Variants in ITPRID2 observed in about 807,000 individuals in gnomAD.
ITPRID2 encodes the protein ITPR interacting domain containing 2, also known as protein ITPRID2.
In ITPRID2, 60 loss-of-function variants were observed where a neutral mutation model predicts 124.3. The ratio of observed to expected loss-of-function variants is 0.48; its 90% CI spans 0.39 to 0.60. The LOEUF is 0.60. Ranked by LOEUF, ITPRID2 falls within the 20% of genes least tolerant of loss-of-function variation. The probability of loss-of-function intolerance (pLI) is 0.00; values close to 1 mark genes in which losing one functional copy is unlikely to be tolerated. For synonymous variants in ITPRID2, 521 were observed against 542.9 expected (o/e 0.96, Z 0.56); for missense variants, 1,553 against 1,512.2 (o/e 1.03, Z -0.45).
chr2:181,894,248 C>G (rs904486436), intron 2 of ITPRID2: 1 of 152,142 alleles, frequency 6.6e-6, no homozygotes, highest in Non-Finnish European at 1.5e-5. Context: ...ATAAGTGCAT[C>G]TTTTTTGAGA....
chr2:181,908,807 C>G (rs1319704438), intron 8 of ITPRID2, among the ~76,000 whole-genome samples: 1 of 152,016 alleles, frequency 6.6e-6, no homozygotes, highest in Non-Finnish European at 1.5e-5. Flanking sequence ...AGCTTCATAA[C>G]TAAAAACTAC....
chr2:181,911,925 T>G (rs1693639194), intron 9 of ITPRID2, among the ~76,000 whole-genome samples: 1 of 152,232 alleles, frequency 6.6e-6, no homozygotes, highest in Non-Finnish European at 1.5e-5. Context: ...CTCTGAAGTC[T>G]GAGCAGTCTA....
chr2:181,900,755 G>C lies in ITPRID2; in HGVS notation c.563G>C (p.Gly188Ala). 6.2e-7 allele frequency: 1 copy of C among 1,613,002 alleles called. No homozygotes were observed. Among genetic ancestry groups the C allele is most frequent in the Non-Finnish European group, 8.5e-7 (1 of 1,179,574 alleles). Reference sequence around the variant, plus strand: ...CCTGAAGAAATTCTTTATAATCTTGGATTTGGACGTGATGAACCAGATATT... The same window carrying C: ...CCTGAAGAAATTCTTTATAATCTTGCATTTGGACGTGATGAACCAGATATT... ...EDPEEILYNL[G>A]FGRDEPDIAS... is the part of the protein sequence containing the mutation. The change falls in exon 7 of 18, where the codon GGA becomes GCA. Residue 188 changes from glycine to alanine, a missense_variant. Coordinates refer to ENST00000431877, the MANE Select transcript of ITPRID2 (RefSeq NM_001130445.3).
Position 181,919,519 on chromosome 2 carries a change from T to A in ITPRID2, c.3144+73T>A, listed in dbSNP as rs1396162935. 7.0e-7 allele frequency: 1 copy of A among 1,436,622 alleles called. No individual in the cohort carries two copies. The allele number at this position is 1,436,622 out of a possible 1,614,324, so 89.0% of individuals were successfully genotyped here. ...TAATGTTCCAATAATTTAGGACGTG[T>A]GCCTTCATTTCAAGTCATTTATTTT... On this transcript the variant is annotated intron_variant, in intron 14 of 17. Transcript: ENST00000431877. The surrounding 1 kb of genome is among the most constrained non-coding windows in gnomAD (Gnocchi z 4.2).
chr2:181,918,408 A>C (rs1694239677), intron 11 of ITPRID2, 190 bp from the exon 12 acceptor site: 1 of 1,371,976 alleles, frequency 7.3e-7, no homozygotes, highest in African/African-American at 1.5e-5. Context: ...TTATACCTGG[A>C]ACAGCTAGCA....
rs201437242 is a variant in ITPRID2, at chr2:181,904,329, A to AT, written c.1413+1873dup. Among the ~76,000 whole-genome samples the AT allele has an allele frequency of 7.3e-3, 1,090 of 150,314 alleles. 10 individuals carry two copies. Among genetic ancestry groups the AT allele is most frequent in the African/African-American group, 0.025 (1,033 of 41,046 alleles). Reference sequence around the variant, plus strand: ...TGCATTGGTGGAAGAATAATGGGAGATTTTTTTTTTAAATGAATTTATGGT... The same window carrying AT: ...TGCATTGGTGGAAGAATAATGGGAGATTTTTTTTTTTAAATGAATTTATGGT... On this transcript the variant is annotated intron_variant, in intron 8 of 17. Coordinates refer to ENST00000431877, the MANE Select transcript of ITPRID2 (RefSeq NM_001130445.3).
rs997149613 is a variant in ITPRID2 at position 181,919,088 on chromosome 2, C to A, written c.2993+206C>A. Among the ~76,000 whole-genome samples the A allele has an allele frequency of 1.3e-5, 2 of 152,204 alleles. No individual in the cohort carries two copies. Among genetic ancestry groups the A allele is most frequent in the Admixed American group, 1.3e-4 (2 of 15,284 alleles). ...ATATCCTAAGGGTAGTGGTAACCTG[C>A]TTTCCCGTGTTTGAGATATTTGTGA... On this transcript the variant is annotated intron_variant, in intron 13 of 17. Coordinates refer to ENST00000431877, the MANE Select transcript of ITPRID2 (RefSeq NM_001130445.3). The surrounding 1 kb of genome is among the most constrained non-coding windows in gnomAD (Gnocchi z 4.2).
Position 181,915,224 on chromosome 2 carries a change from G to A in ITPRID2, c.1584G>A (p.Glu528=), listed in dbSNP as rs376996974. ...CTATTTTCTTTTCACAGGTTCAGGA[G>A]TCCTTGCAGGCTATGGGGAGTAGTG... ...CLSLNHLQVQ[E]SLQAMGSSAD... is the part of the protein sequence containing the mutation. The change falls in exon 11 of 18, where the codon GAG becomes GAA. Residue 528 remains glutamate, a synonymous_variant. Transcript: ENST00000431877. 5.0e-6 allele frequency: 8 copies of A among 1,613,100 alleles called. No homozygotes were observed. Among genetic ancestry groups the A allele is most frequent in the Non-Finnish European group, 5.9e-6 (7 of 1,179,516 alleles).
At chr2:181,916,865 C>T in intron 11 of ITPRID2, 1 of 1,001,448 alleles carries the variant, frequency 1.0e-6, no homozygotes, top group African/African-American at 1.7e-5. Context: ...TCTGTGGCAC[C>T]ACGTTCTCCT....
intron 11 of ITPRID2, 121 bp downstream of exon 11, chr2:181,916,548 C>T: frequency 7.9e-7 from 1 of 1,266,086 alleles, no homozygotes; most frequent in South Asian, 1.5e-5. Flanking sequence ...TCTGACATGT[C>T]TAAACTTAAT....
At position 181,916,037 on chromosome 2, in the gene ITPRID2, C is replaced by G; in HGVS notation, c.2397C>G (p.Thr799=). The G allele has an allele frequency of 1.9e-6, 3 of 1,614,146 alleles. No homozygotes were observed. The highest frequency in any genetic ancestry group is 2.5e-6 in the Non-Finnish European group (3 of 1,180,030). ...EHDGQSLVKS[T]IFISPSSVKK... ...ATGGTCAGTCTTTAGTTAAATCGAC[C>G]ATTTTCATCTCTCCATCATCTGTGA... Residue 799 remains threonine, a synonymous_variant, in exon 11 of 18, where the codon ACC becomes ACG. Transcript: ENST00000431877.
chr2:181,915,177 C>A (rs769741010), intron 10 of ITPRID2, 39 bp from the exon 11 acceptor site: 9 of 1,584,282 alleles, frequency 5.7e-6, no homozygotes, highest in South Asian at 3.5e-5. Flanking sequence ...ACTCTTCTTA[C>A]ATATATTCTT....
intron 11 of ITPRID2, chr2:181,917,109 G>T: frequency 1.5e-5 from 10 of 668,680 alleles, no homozygotes; most frequent in Non-Finnish European, 1.8e-5. Context: ...AAAAAATTTT[G>T]AAAATAAGTA....
chr2:181,910,613 G>A lies in ITPRID2; in HGVS notation c.1486+642G>A, dbSNP rs931322583. Reference sequence around the variant, plus strand: ...TAGAGAAAGGGAAAGAGGAAGAAGTGAAAATGACCACTGAAGGTAGGACTG... The same window carrying A: ...TAGAGAAAGGGAAAGAGGAAGAAGTAAAAATGACCACTGAAGGTAGGACTG... On this transcript the variant is annotated intron_variant, in intron 9 of 17. Coordinates refer to ENST00000431877, the MANE Select transcript of ITPRID2 (RefSeq NM_001130445.3). This position sits in a 1 kb window ranked among gnomAD's most constrained non-coding sequence, Gnocchi z 4.1. The A allele has an allele frequency of 2.8e-6, 2 of 703,838 alleles. No individual in the cohort carries two copies. The highest frequency in any genetic ancestry group is 5.3e-6 in the Non-Finnish European group (2 of 379,592). 43.6% of individuals were successfully genotyped at this position (703,838 alleles called of 1,614,324 possible).
chr2:181,904,926 C>A (rs1269323977), intron 8 of ITPRID2, among the ~76,000 whole-genome samples: 1 of 151,904 alleles, frequency 6.6e-6, no homozygotes, highest in African/African-American at 2.4e-5. Context: ...TGGCCTGGTA[C>A]AATGAAGTGT....
intron 4 of ITPRID2, among the ~76,000 whole-genome samples, chr2:181,897,954 A>G (rs1692343744): frequency 6.6e-6 from 1 of 151,998 alleles, no homozygotes; most frequent in South Asian, 2.1e-4. Flanking sequence ...ACAATTGAAC[A>G]TGTTGTCAAT....
chr2:181,917,060 A>G (rs1268437038), intron 11 of ITPRID2: 8 of 965,274 alleles, frequency 8.3e-6, no homozygotes, highest in Non-Finnish European at 4.9e-6. Flanking sequence ...TTTTAAAGTC[A>G]TTCTCAGATT....
chr2:181,915,955 C>T lies in ITPRID2; in HGVS notation c.2315C>T (p.Thr772Ile). ...KETRCSPPSF[T>I]YKYTPEEEQE... Reference sequence around the variant, plus strand: ...ACCAGATGCAGCCCACCTTCCTTCACCTATAAGTACACACCTGAAGAGGAG... The same window carrying T: ...ACCAGATGCAGCCCACCTTCCTTCATCTATAAGTACACACCTGAAGAGGAG... The change falls in exon 11 of 18, where the codon ACC becomes ATC. Residue 772 changes from threonine to isoleucine, a missense_variant. Physicochemically the swap from Thr to Ile is moderately conservative, Grantham distance 89. Transcript: ENST00000431877. The T allele has an allele frequency of 6.2e-7, 1 of 1,614,180 alleles. No individual in the cohort carries two copies. Among genetic ancestry groups the T allele is most frequent in the Non-Finnish European group, 8.5e-7 (1 of 1,180,042 alleles).
At chr2:181,918,905 C>G (rs904889013) in intron 13 of ITPRID2, 23 bp downstream of exon 13, 1 of 1,604,458 alleles carries the variant, frequency 6.2e-7, no homozygotes, top group African/African-American at 1.3e-5. Context: ...TTTGTCTTAG[C>G]ACACCTCAAA....
Sources: gnomAD v4.1 joint callset for allele counts (sites outside exome capture counted in the v4.1 genomes callset) on GRCh38, gnomAD v4.1.1 for gene constraint, Gnocchi (gnomAD v3.1) non-coding constraint, MANE v1.5 for transcripts, NCBI Gene and HGNC (gene_info 2026-07-23, HGNC 2026-07-21) for gene names.